IL6ST: variants seen among roughly 807,000 people sequenced by gnomAD.
The protein encoded by IL6ST is interleukin-6 receptor subunit beta.
In IL6ST, 24 loss-of-function variants were observed where a neutral mutation model predicts 91.3. The observed-to-expected ratio is 0.26, with a 90% confidence interval of 0.19 to 0.37. The LOEUF is 0.37. IL6ST is among the 10% of genes least tolerant of loss of function. IL6ST has a pLI of 1.00. For missense variants in IL6ST, 914 were observed against 1,078.5 expected, an observed-to-expected ratio of 0.85 and a Z score of 2.14; for synonymous variants, 351 against 373.6, an observed-to-expected ratio of 0.94 and a Z score of 0.70.
At chr5:55,973,940 A>G (rs1166803528) in intron 3 of IL6ST, among the ~76,000 whole-genome samples, 8 of 152,228 alleles carry the variant, frequency 5.3e-5, no homozygotes, top group Non-Finnish European at 1.2e-4. Context: ...ACACCAGGCT[A>G]AAACTGATAA....
Position 55,982,814 on chromosome 5 carries a change from G to T in IL6ST, c.-103-3C>A. On this transcript the variant is annotated splice_polypyrimidine_tract_variant and splice_region_variant and intron_variant, in intron 1 of 16. Transcript: ENST00000381298. ...CATGCTTTTTCCATTGGGTTTCACT[G>T]TAAAGAGAGGAGAGTCTTGTTCAGA... 2.5e-6 allele frequency: 1 copy of T among 398,258 alleles called. No individual in the cohort carries two copies. Among genetic ancestry groups the T allele is most frequent in the East Asian group, 3.6e-5 (1 of 27,986 alleles). 24.7% of individuals were successfully genotyped at this position (398,258 alleles called of 1,614,324 possible).
intron 15 of IL6ST, among the ~76,000 whole-genome samples, chr5:55,944,083 CA>C (rs1201981733): frequency 2.0e-5 from 3 of 151,884 alleles, no homozygotes; most frequent in Non-Finnish European, 4.4e-5. Context: ...AGTCTCAAAA[CA>C]AAAAAACCCC....
intron 1 of IL6ST, among the ~76,000 whole-genome samples, chr5:55,989,805 T>C (rs987603755): frequency 6.6e-6 from 1 of 152,182 alleles, no homozygotes; most frequent in African/African-American, 2.4e-5. Flanking sequence ...TAGGGGTTCC[T>C]AGATAGAGAA....
At chr5:55,987,467 A>C (rs1754037337) in intron 1 of IL6ST, among the ~76,000 whole-genome samples, 1 of 152,188 alleles carries the variant, frequency 6.6e-6, no homozygotes, top group African/African-American at 2.4e-5. Context: ...AACATTCAAC[A>C]ACTGTTCATC....
intron 15 of IL6ST, among the ~76,000 whole-genome samples, chr5:55,944,175 C>T (rs1751095800): frequency 6.6e-6 from 1 of 152,112 alleles, no homozygotes; most frequent in African/African-American, 2.4e-5. Flanking sequence ...AAATTAGGAA[C>T]AAAGCAATGC....
rs1162492348 is a variant in IL6ST at position 55,939,895 on chromosome 5, T to C, written c.*1187A>G. 4.9e-6 allele frequency: 1 copy of C among 204,678 alleles called. No homozygotes were observed. The highest frequency in any genetic ancestry group is 1.0e-5 in the Non-Finnish European group (1 of 99,828). The allele number at this position is 204,678 out of a possible 1,614,324, so 12.7% of individuals were successfully genotyped here. A position where few individuals can be genotyped will look rare whatever the true frequency, so the allele number is the denominator to read the frequency against. ...TTATTAAGTGTCTCTACAATAATGA[T>C]ATTTGCTAAGAACAAGATGTACATT... On this transcript the variant is annotated 3_prime_UTR_variant, in exon 17 of 17. Coordinates refer to ENST00000381298, the MANE Select transcript of IL6ST (RefSeq NM_002184.4).
At position 55,989,912 on chromosome 5, in the gene IL6ST, C is replaced by T. The variant is rs10066012; in HGVS notation, c.-104+4872G>A. On this transcript the variant is annotated intron_variant, in intron 1 of 16. Transcript: ENST00000381298. ...CCAGAGCATGCCAGTCTAACCAGAGCTATGCTATCTGAAACATAGCTCTGA... is the reference window on the plus strand; with the variant it reads ...CCAGAGCATGCCAGTCTAACCAGAGTTATGCTATCTGAAACATAGCTCTGA... Among the ~76,000 whole-genome samples, 414 of 152,000 alleles carry T rather than the reference C, an allele frequency of 2.7e-3. 5 individuals are homozygous for T. The highest frequency in any genetic ancestry group is 9.7e-3 in the African/African-American group (401 of 41,466).
chr5:55,959,721 AGT>A (rs1752193599), intron 8 of IL6ST: 1 of 930,972 alleles, frequency 1.1e-6, no homozygotes, highest in African/African-American at 1.7e-5. Flanking sequence ...TATTTTTGAT[AGT>A]GGGGATCTAA....
At chr5:55,958,913 AG>A (rs1439815945) in intron 8 of IL6ST, among the ~76,000 whole-genome samples, 1 of 152,054 alleles carries the variant, frequency 6.6e-6, no homozygotes, top group African/African-American at 2.4e-5. Flanking sequence ...CAAAACAGAA[AG>A]GATAGGACAG....
chr5:55,968,590 T>C (rs562065640), intron 4 of IL6ST, among the ~76,000 whole-genome samples, 194 bp from the exon 5 acceptor site: 2 of 152,352 alleles, frequency 1.3e-5, no homozygotes, highest in Admixed American at 1.3e-4. Context: ...CAGGAAGTAA[T>C]ATATATACAT....
intron 1 of IL6ST, among the ~76,000 whole-genome samples, chr5:55,990,599 A>G (rs1754265188): frequency 6.6e-6 from 1 of 152,150 alleles, no homozygotes; most frequent in African/African-American, 2.4e-5. Context: ...TAATTTCAAG[A>G]ATTTTGGCTT....
In IL6ST at chr5:55,952,029, G is replaced by T; in HGVS notation, c.1599C>A (p.Asn533Lys). The change falls in exon 13 of 17, where the codon AAC (asparagine) becomes AAA (lysine). Residue 533 changes from asparagine (N) to lysine (K), a missense_variant. By Grantham distance (94) the Asn-to-Lys change is moderately conservative. Coordinates refer to ENST00000381298, the MANE Select transcript of IL6ST (RefSeq NM_002184.4). ...GTTGGTCCCACTCTAAGACAGCTTC[G>T]TTTTTCCCTACTTTTTTTGTCCGAA... ...PTVRTKKVGKNEAVLEWDQLP... is the reference protein window; with the variant it reads ...PTVRTKKVGKKEAVLEWDQLP... 1 of 1,613,098 alleles carries T rather than the reference G, an allele frequency of 6.2e-7. No homozygotes were observed. The highest frequency in any genetic ancestry group is 8.5e-7 in the Non-Finnish European group (1 of 1,179,276).
At chr5:55,951,641 C>T in intron 13 of IL6ST, 37 bp from the exon 14 acceptor site, 1 of 1,582,660 alleles carries the variant, frequency 6.3e-7, no homozygotes, top group Non-Finnish European at 8.6e-7. Context: ...TTCAACTATT[C>T]AATGCTTTTG....
At position 55,955,799 on chromosome 5, in the gene IL6ST, T is replaced by G. The variant is rs565362241; in HGVS notation, c.1267+226A>C. ...ACTTTGGGAGGCCAGGGGAGATCGC[T>G]TGAGCTCAGGAGTTCGAGACCAGCC... On this transcript the variant is annotated intron_variant, in intron 10 of 16. Transcript: ENST00000381298. Among the ~76,000 whole-genome samples, 417 of 152,274 alleles carry G rather than the reference T, an allele frequency of 2.7e-3. 3 individuals are homozygous for G. Among genetic ancestry groups the G allele is most frequent in the African/African-American group, 9.5e-3 (396 of 41,556 alleles).
In IL6ST at chr5:55,941,796, T is replaced by G. The variant is rs774676367; in HGVS notation, c.2043A>C (p.Gln681His). ...CAGTGAAATTGCCATCTGAATACAT[T>G]TGATCTTTTGAATTAAAATTGTGCT... ...PPRHNFNSKDQMYSDGNFTDV... is the reference protein window; with the variant it reads ...PPRHNFNSKDHMYSDGNFTDV... Residue 681 changes from glutamine (Q) to histidine (H), a missense_variant, in exon 17 of 17, where the codon CAA (glutamine) becomes CAC (histidine). Gln to His is a conservative substitution (Grantham distance 24). Coordinates refer to ENST00000381298, the MANE Select transcript of IL6ST (RefSeq NM_002184.4). The G allele has an allele frequency of 1.2e-6, 2 of 1,610,850 alleles. No individual in the cohort carries two copies. The highest frequency in any genetic ancestry group is 1.7e-6 in the Non-Finnish European group (2 of 1,178,834).
intron 14 of IL6ST, among the ~76,000 whole-genome samples, chr5:55,949,405 TTTGAGG>T (rs888569651): frequency 7.2e-5 from 11 of 152,052 alleles, no homozygotes; most frequent in African/African-American, 2.7e-4. Context: ...AGCCCAGGAA[TTTGAGG>T]TTGCAGTGAG....
At chr5:55,990,858 T>C (rs542364322) in intron 1 of IL6ST, among the ~76,000 whole-genome samples, 2 of 152,136 alleles carry the variant, frequency 1.3e-5, no homozygotes, top group Non-Finnish European at 2.9e-5. Context: ...TCATTTACAT[T>C]AGGTATATCT....
chr5:55,992,326 G>C (rs756913149), intron 1 of IL6ST, among the ~76,000 whole-genome samples: 1 of 152,164 alleles, frequency 6.6e-6, no homozygotes, highest in Non-Finnish European at 1.5e-5. Context: ...TCGCTCAAGC[G>C]TACTGTATGG....
intron 1 of IL6ST, among the ~76,000 whole-genome samples, chr5:55,991,238 A>C (rs1754312632): frequency 6.6e-6 from 1 of 152,198 alleles, no homozygotes; most frequent in African/African-American, 2.4e-5. Context: ...ATGATTTATA[A>C]TCCTTTGGGT....
Sources: allele counts gnomAD v4.1 joint callset (sites outside exome capture counted in the v4.1 genomes callset), GRCh38; gene constraint gnomAD v4.1.1; transcripts MANE v1.5; gene names NCBI Gene and HGNC (gene_info 2026-07-23, HGNC 2026-07-21).